Variants in COL5A2 observed in about 807,000 individuals in gnomAD.
The protein encoded by COL5A2 is collagen alpha-2(V) chain.
In COL5A2, 23 loss-of-function variants were observed where a neutral mutation model predicts 208.2. That is an observed-to-expected ratio of 0.11 (90% CI 0.08 to 0.16). The LOEUF is 0.16. COL5A2 is among the 10% of genes least tolerant of loss of function. COL5A2 has a pLI of 1.00. For synonymous variants in COL5A2, 625 were observed against 628.5 expected (o/e 0.99, Z 0.08); for missense variants, 1,590 against 1,956.4 (o/e 0.81, Z 3.53).
chr2:189,053,116 G>T, intron 38 of COL5A2, 98 bp from the exon 39 acceptor site: 1 of 1,010,640 alleles, frequency 9.9e-7, no homozygotes, highest in Non-Finnish European at 1.5e-6. Context: ...CATATATTGT[G>T]AAACAGTGCT....
At chr2:189,378,185 A>C in the COL5A2 span, among the ~76,000 whole-genome samples, 1 of 152,206 alleles carries the variant, frequency 6.6e-6, no homozygotes, top group Non-Finnish European at 1.5e-5. Flanking sequence ...TTCTTTTTTA[A>C]TGCATATCTA....
chr2:189,291,165 A>T, the COL5A2 span, among the ~76,000 whole-genome samples: 22 of 152,140 alleles, frequency 1.4e-4, no homozygotes, highest in Admixed American at 2.0e-4. Flanking sequence ...TTGATTCCAT[A>T]AATCTCAATA....
chr2:189,092,270 C>T (rs1016760071), intron 7 of COL5A2, 40 bp downstream of exon 7: 6 of 1,203,524 alleles, frequency 5.0e-6, no homozygotes, highest in Admixed American at 1.9e-5. Flanking sequence ...TAATTTAAAA[C>T]ATGACCTGTA....
At chr2:189,352,002 C>A in the COL5A2 span, among the ~76,000 whole-genome samples, 1 of 151,876 alleles carries the variant, frequency 6.6e-6, no homozygotes, top group African/African-American at 2.4e-5. Flanking sequence ...CTCCCCGCCC[C>A]CTGTGATCTC....
chr2:189,139,533 C>T (rs1687894785), intron 1 of COL5A2, among the ~76,000 whole-genome samples: 1 of 152,012 alleles, frequency 6.6e-6, no homozygotes, highest in Admixed American at 6.6e-5. Flanking sequence ...AGACATGCAA[C>T]TAAATGTAAT....
chr2:189,357,763 G>GACA, the COL5A2 span, among the ~76,000 whole-genome samples: 40 of 124,000 alleles, frequency 3.2e-4, no homozygotes, highest in African/African-American at 1.2e-3. Flanking sequence ...ACTCGGGTAT[G>GACA]AAAAAAAAAA....
chr2:189,217,088 T>G lies in COL5A2; in HGVS notation c.-42+8060A>C, dbSNP rs73034886. Among the ~76,000 whole-genome samples, 502 of 152,248 alleles carry G rather than the reference T, an allele frequency of 3.3e-3. 2 individuals are homozygous for G. Among genetic ancestry groups the G allele is most frequent in the African/African-American group, 0.011 (469 of 41,542 alleles). ...TAATTCTCAAAAAAAAAATTAACAC[T>G]CTGTTTCATTATTTAAGAATGAAGA... On this transcript the variant is annotated intron_variant, in intron 1 of 10. Coordinates refer to the COL5A2 transcript ENST00000649966.
chr2:189,425,878 C>T, the COL5A2 span, among the ~76,000 whole-genome samples: 1 of 152,156 alleles, frequency 6.6e-6, no homozygotes, highest in South Asian at 2.1e-4. Context: ...GCTATAATTG[C>T]ACATTTCCTG....
intron 19 of COL5A2, 121 bp from the exon 20 acceptor site, chr2:189,068,391 C>A: frequency 1.2e-6 from 1 of 865,530 alleles, no homozygotes; most frequent in South Asian, 1.4e-5. Context: ...AAAAATCAAC[C>A]ACCATTATAT....
intron 8 of COL5A2, among the ~76,000 whole-genome samples, chr2:189,087,842 T>TA (rs61206173): frequency 0.015 from 2,290 of 150,738 alleles, 49 homozygotes; most frequent in South Asian, 0.086. Flanking sequence ...AAGCTCCATT[T>TA]AAAAAAAACC....
chr2:189,235,559 A>G, the COL5A2 span, among the ~76,000 whole-genome samples: 4 of 151,788 alleles, frequency 2.6e-5, no homozygotes, highest in African/African-American at 4.8e-5. Flanking sequence ...AAACATAAAG[A>G]TGCAATATGT....
rs147501343 is a variant in COL5A2 at position 189,204,747 on chromosome 2, T to C, written c.-42+20401A>G. Among the ~76,000 whole-genome samples the C allele has an allele frequency of 2.5e-3, 385 of 152,274 alleles. 2 individuals are homozygous for C. Among genetic ancestry groups the C allele is most frequent in the Non-Finnish European group, 4.0e-3 (273 of 68,020 alleles). On this transcript the variant is annotated intron_variant, in intron 1 of 10. Transcript: ENST00000649966. ...TTGATTCATGTGACTGCCTGGAGGA[T>C]TGTAGTGGGAAGAGCCTGAGTACAA...
chr2:189,341,501 G>A, the COL5A2 span, among the ~76,000 whole-genome samples: 1 of 151,834 alleles, frequency 6.6e-6, no homozygotes, highest in Non-Finnish European at 1.5e-5. Flanking sequence ...ATCAGTTTTG[G>A]AAATTCAGTA....
the COL5A2 span, among the ~76,000 whole-genome samples, chr2:189,299,729 G>A: frequency 2.0e-5 from 3 of 152,046 alleles, no homozygotes; most frequent in East Asian, 3.9e-4. Context: ...GAGAACAATC[G>A]ATCTGTTTTG....
chr2:189,067,990 T>C, intron 21 of COL5A2, 25 bp downstream of exon 21: 1 of 1,567,836 alleles, frequency 6.4e-7, no homozygotes, highest in Non-Finnish European at 8.8e-7. Flanking sequence ...CACTAAAGGA[T>C]GATAGTTCTT....
chr2:189,372,370 G>C, the COL5A2 span, among the ~76,000 whole-genome samples: 2 of 152,072 alleles, frequency 1.3e-5, no homozygotes. Flanking sequence ...TTTCAATTCA[G>C]TAGAACATTT....
upstream of COL5A2, among the ~76,000 whole-genome samples, chr2:189,182,365 C>T (rs1323611992): frequency 2.0e-5 from 3 of 152,120 alleles, no homozygotes; most frequent in Non-Finnish European, 4.4e-5. Context: ...CATATATAGG[C>T]GATTACGGTT....
At chr2:189,222,169 A>G (rs1689354106) in intron 1 of COL5A2, among the ~76,000 whole-genome samples, 1 of 152,176 alleles carries the variant, frequency 6.6e-6, no homozygotes, top group South Asian at 2.1e-4. Flanking sequence ...AGTAGGGTAA[A>G]TTAGTCTAAA....
chr2:189,284,414 C>CT, the COL5A2 span, among the ~76,000 whole-genome samples: 1 of 152,182 alleles, frequency 6.6e-6, no homozygotes, highest in African/African-American at 2.4e-5. Context: ...CCTCAGGAAA[C>CT]TTACAATCAT....
Sources: allele counts gnomAD v4.1 joint callset (sites outside exome capture counted in the v4.1 genomes callset), GRCh38; gene constraint gnomAD v4.1.1; transcripts MANE v1.5; gene names NCBI Gene and HGNC (gene_info 2026-07-23, HGNC 2026-07-21).